The following FKBP1A variants were observed in gnomAD, a reference collection of about 807,000 sequenced individuals.
FKBP1A encodes peptidyl-prolyl cis-trans isomerase FKBP1A.
FKBP1A carries 5 observed loss-of-function variants against 14.2 expected under a neutral mutation model. That is an observed-to-expected ratio of 0.35 (90% CI 0.18 to 0.74). The LOEUF is 0.74. Ranked by LOEUF, FKBP1A falls within the 30% of genes least tolerant of loss-of-function variation. The pLI is 0.56. For synonymous variants in FKBP1A, 42 were observed against 49.1 expected (o/e 0.86, Z 0.60); for missense variants, 53 against 138.8 (o/e 0.38, Z 3.10).
At chr20:1,385,201 G>A (rs1417875095) in intron 2 of FKBP1A, among the ~76,000 whole-genome samples, 1 of 152,106 alleles carries the variant, frequency 6.6e-6, no homozygotes. Flanking sequence ...ACCAGCCTGG[G>A]CAACATGGTG....
chr20:1,392,793 A>C, intron 2 of FKBP1A, 41 bp downstream of exon 2: 1 of 1,439,010 alleles, frequency 6.9e-7, no homozygotes, highest in Non-Finnish European at 9.2e-7. Context: ...CGGGCTGCGG[A>C]CTGCGGCCCG....
intron 4 of FKBP1A, 65 bp from the exon 5 acceptor site, chr20:1,370,137 G>C (rs149201864): frequency 1.3e-6 from 2 of 1,526,738 alleles, no homozygotes; most frequent in Non-Finnish European, 1.8e-6. Context: ...AGTGGCGACA[G>C]CCACGATGCC....
chr20:1,378,373 G>A (rs2089576441), intron 2 of FKBP1A: 1 of 152,800 alleles, frequency 6.5e-6, no homozygotes, highest in Non-Finnish European at 1.5e-5. Context: ...CAGGAGTCAG[G>A]GGTAGAGGGA....
At chr20:1,371,212 T>C (rs981152058) in intron 4 of FKBP1A, 15 of 985,088 alleles carry the variant, frequency 1.5e-5, no homozygotes, top group Admixed American at 6.1e-5. Context: ...GTAGCATTCA[T>C]GTACTTAATG....
chr20:1,375,382 G>C, intron 3 of FKBP1A, 109 bp downstream of exon 3: 1 of 737,662 alleles, frequency 1.4e-6, no homozygotes, highest in Admixed American at 2.5e-5. Context: ...ATGGCATGAG[G>C]GTGAGACTTT....
intron 4 of FKBP1A, among the ~76,000 whole-genome samples, chr20:1,371,381 G>A (rs1305083602): frequency 1.3e-5 from 2 of 152,180 alleles, no homozygotes; most frequent in Non-Finnish European, 2.9e-5. Context: ...CTCTGGCCCT[G>A]TTTCCTTACT....
intron 4 of FKBP1A, 21 bp from the exon 5 acceptor site, chr20:1,370,093 G>GT (rs1384065755): frequency 6.5e-7 from 1 of 1,545,670 alleles, no homozygotes; most frequent in Non-Finnish European, 8.7e-7. Context: ...CAGAAAATCT[G>GT]TGAGTTTCCA....
At chr20:1,391,071 C>T (rs1396141567) in intron 2 of FKBP1A, among the ~76,000 whole-genome samples, 1 of 152,180 alleles carries the variant, frequency 6.6e-6, no homozygotes, top group African/African-American at 2.4e-5. Flanking sequence ...AAGTGCGGCA[C>T]TGCCTACATG....
intron 2 of FKBP1A, among the ~76,000 whole-genome samples, chr20:1,380,274 C>A (rs181461659): frequency 9.2e-5 from 14 of 152,152 alleles, no homozygotes; most frequent in Non-Finnish European, 1.8e-4. Context: ...ACCTAGAGTC[C>A]ATAGGACACA....
intron 2 of FKBP1A, among the ~76,000 whole-genome samples, chr20:1,392,276 C>G (rs2089747064): frequency 6.6e-6 from 1 of 152,284 alleles, no homozygotes; most frequent in Non-Finnish European, 1.5e-5. Context: ...AGGGCCAAAG[C>G]AATGACTTAG....
intron 2 of FKBP1A, among the ~76,000 whole-genome samples, chr20:1,385,147 T>C (rs558485414): frequency 9.3e-4 from 142 of 152,286 alleles, no homozygotes; most frequent in Middle Eastern, 6.8e-3. Context: ...CCTAGCACTT[T>C]GGGAGGCTGA....
chr20:1,377,871 A>T (rs2089568428), intron 2 of FKBP1A: 1 of 152,162 alleles, frequency 6.6e-6, no homozygotes, highest in Non-Finnish European at 1.5e-5. Flanking sequence ...AACCAGAAAG[A>T]GCTTCTCTCT....
intron 4 of FKBP1A, 164 bp from the exon 5 acceptor site, chr20:1,370,236 G>C: frequency 1.0e-6 from 1 of 985,446 alleles, no homozygotes; most frequent in Non-Finnish European, 1.2e-6. Flanking sequence ...GAAAGACTTG[G>C]GCTGGGTCCC....
chr20:1,380,831 G>GTTC (rs1331807418), intron 2 of FKBP1A, among the ~76,000 whole-genome samples: 1 of 152,124 alleles, frequency 6.6e-6, no homozygotes, highest in Non-Finnish European at 1.5e-5. Flanking sequence ...AATTAGTAGA[G>GTTC]GAGAACCATA....
intron 3 of FKBP1A, chr20:1,375,186 C>T (rs754103656): frequency 3.4e-5 from 18 of 527,904 alleles, no homozygotes; most frequent in South Asian, 1.2e-4. Flanking sequence ...TGAGCCACCG[C>T]GCCCAGCCTA....
intron 4 of FKBP1A, chr20:1,370,932 G>A (rs2122650708): frequency 2.0e-6 from 2 of 985,478 alleles, no homozygotes; most frequent in Non-Finnish European, 2.4e-6. Context: ...GCAATGACAG[G>A]TGAAGAAACC....
intron 4 of FKBP1A, chr20:1,371,295 G>C: frequency 1.2e-6 from 1 of 839,580 alleles, no homozygotes; most frequent in Non-Finnish European, 1.4e-6. Flanking sequence ...GAGGGTGGAA[G>C]AGGGGAAAAT....
intron 2 of FKBP1A, among the ~76,000 whole-genome samples, chr20:1,382,323 G>A (rs1177471573): frequency 3.3e-5 from 5 of 152,218 alleles, no homozygotes. Flanking sequence ...AGACAAGACA[G>A]CTGACAGTCT....
chr20:1,392,592 T>C (rs1056358273), intron 2 of FKBP1A, among the ~76,000 whole-genome samples: 2 of 152,158 alleles, frequency 1.3e-5, no homozygotes, highest in African/African-American at 4.8e-5. Flanking sequence ...GAAATGCTTC[T>C]GACGGGTCAG....
Sources: allele counts gnomAD v4.1 joint callset (sites outside exome capture counted in the v4.1 genomes callset), GRCh38; gene constraint gnomAD v4.1.1; transcripts MANE v1.5; gene names NCBI Gene and HGNC (gene_info 2026-07-23, HGNC 2026-07-21).